EHD4: variants seen among roughly 807,000 people sequenced by gnomAD.
EHD4 encodes EH domain-containing protein 4.
EHD4 carries 37 observed loss-of-function variants against 51.0 expected under a neutral mutation model. That is an observed-to-expected ratio of 0.73 (90% CI 0.56 to 0.95). EHD4 has a LOEUF of 0.95. Among genes scored for constraint, EHD4 ranks in the 40% least tolerant of loss-of-function variants. EHD4 has a pLI of 0.00. For synonymous variants in EHD4, 297 were observed against 317.3 expected (o/e 0.94, Z 0.68); for missense variants, 632 against 733.1 (o/e 0.86, Z 1.59).
At chr15:41,916,709 A>C (rs1566817925) in intron 4 of EHD4, among the ~76,000 whole-genome samples, 1 of 152,230 alleles carries the variant, frequency 6.6e-6, no homozygotes, top group Admixed American at 6.5e-5. Context: ...CGCCGTGCTG[A>C]GTCCGGCTTC....
In EHD4 at chr15:41,900,434, C is replaced by G; in HGVS notation, c.*211G>C. The G allele has an allele frequency of 1.7e-6, 1 of 602,080 alleles. No individual in the cohort carries two copies. The highest frequency in any genetic ancestry group is 2.9e-6 in the Non-Finnish European group (1 of 344,652). 37.3% of individuals were successfully genotyped at this position (602,080 alleles called of 1,614,324 possible). A position where few individuals can be genotyped will look rare whatever the true frequency, so the allele number is the denominator to read the frequency against. The stretch of plus-strand genomic sequence containing the variant: ...CAACCCTTCAATCTCCTAATCCACC[C>G]CCCTACCCCCAATATTTTCATAGAA... On this transcript the variant is annotated 3_prime_UTR_variant, in exon 6 of 6. Coordinates refer to ENST00000220325, the MANE Select transcript of EHD4 (RefSeq NM_139265.4). The surrounding 1 kb of genome is among the most constrained non-coding windows in gnomAD (Gnocchi z 4.8).
chr15:41,906,711 T>G (rs2067514460), intron 5 of EHD4, among the ~76,000 whole-genome samples: 1 of 152,192 alleles, frequency 6.6e-6, no homozygotes, highest in African/African-American at 2.4e-5. Context: ...TAGCACCCCC[T>G]CTGGGGCTTT....
At chr15:41,948,666 T>G (rs1374695793) in intron 2 of EHD4, among the ~76,000 whole-genome samples, 1 of 152,208 alleles carries the variant, frequency 6.6e-6, no homozygotes, top group Non-Finnish European at 1.5e-5. Flanking sequence ...CGCACGTGCT[T>G]GGACTGATGC....
chr15:41,915,353 C>T (rs1193173925), intron 4 of EHD4, among the ~76,000 whole-genome samples: 2 of 152,224 alleles, frequency 1.3e-5, no homozygotes, highest in East Asian at 1.9e-4. Flanking sequence ...GTTGGGATTA[C>T]AGGTGTGAGC....
intron 2 of EHD4, among the ~76,000 whole-genome samples, chr15:41,951,002 A>ACTAACCCTAACC (rs79417445): frequency 1.6e-4 from 25 of 151,782 alleles, no homozygotes; most frequent in Non-Finnish European, 2.7e-4. Flanking sequence ...GAACAGCCTT[A>ACTAACCCTAACC]CTAACCCTAA....
At chr15:41,943,529 A>G (rs2067791262) in intron 2 of EHD4, among the ~76,000 whole-genome samples, 1 of 152,182 alleles carries the variant, frequency 6.6e-6, no homozygotes, top group Non-Finnish European at 1.5e-5. Context: ...TGACCTCATG[A>G]GGTGAAGGAA....
At chr15:41,923,643 G>C (rs1213912712) in intron 3 of EHD4, among the ~76,000 whole-genome samples, 2 of 152,334 alleles carry the variant, frequency 1.3e-5, no homozygotes, top group East Asian at 3.9e-4. Flanking sequence ...TGCAGTTTGA[G>C]GATCACTGTC....
Position 41,953,936 on chromosome 15 carries a change from G to C in EHD4, c.241C>G (p.Leu81Val), listed in dbSNP as rs779430330. ...STGKTTFIRYLLEQDFPGMRI... is the reference protein window; with the variant it reads ...STGKTTFIRYVLEQDFPGMRI... Reference sequence around the variant, plus strand: ...ATGCCTGGGAAATCCTGCTCCAGTAGGTATCTGGGAGAGGGAAGAAGAAGA... The same window carrying C: ...ATGCCTGGGAAATCCTGCTCCAGTACGTATCTGGGAGAGGGAAGAAGAAGA... The change falls in exon 2 of 6, where the codon CTA (leucine) becomes GTA (valine). Residue 81 changes from leucine (L) to valine (V), a missense_variant. Coordinates refer to ENST00000220325, the MANE Select transcript of EHD4 (RefSeq NM_139265.4). 6.2e-7 allele frequency: 1 copy of C among 1,611,488 alleles called. No homozygotes were observed. The highest frequency in any genetic ancestry group is 1.7e-5 in the Admixed American group (1 of 59,382).
intron 1 of EHD4, among the ~76,000 whole-genome samples, chr15:41,959,771 C>T (rs1317759893): frequency 6.6e-6 from 1 of 151,894 alleles, no homozygotes; most frequent in African/African-American, 2.4e-5. Flanking sequence ...AGTTCAAGGC[C>T]ACCCTGTGGC....
rs1274800487 is a variant in EHD4, at chr15:41,972,285, G to C, written c.210C>G (p.Tyr70Ter). The C allele has an allele frequency of 6.2e-7, 1 of 1,608,774 alleles. No individual in the cohort carries two copies. Among genetic ancestry groups the C allele is most frequent in the East Asian group, 2.3e-5 (1 of 44,416 alleles). Reference protein sequence around the residue: ...NKPMILLVGQYSTGKTTFIRY... With the variant: ...NKPMILLVGQ ...TGATGAAGGTGGTCTTGCCGGTGCTGTACTGGCCCACCAGCAGGATCATGG... is the reference window on the plus strand; with the variant it reads ...TGATGAAGGTGGTCTTGCCGGTGCTCTACTGGCCCACCAGCAGGATCATGG... The change falls in exon 1 of 6, where the codon TAC becomes TAG. Residue 70 changes from tyrosine to a stop codon, truncating the protein, a stop_gained. Transcript: ENST00000220325. LOFTEE classifies it high-confidence loss of function.
At chr15:41,903,445 A>AACGT (rs1567242725) in intron 5 of EHD4, among the ~76,000 whole-genome samples, 1 of 118,356 alleles carries the variant, frequency 8.4e-6, no homozygotes. Flanking sequence ...TCTAGCCATT[A>AACGT]ACATACATAC....
At chr15:41,963,078 C>CA (rs984389442) in intron 1 of EHD4, among the ~76,000 whole-genome samples, 1 of 152,168 alleles carries the variant, frequency 6.6e-6, no homozygotes, top group African/African-American at 2.4e-5. Flanking sequence ...CTTTGTTAAA[C>CA]AGATGCCTGA....
At chr15:41,942,745 T>C (rs2067781986) in intron 3 of EHD4, 1 of 248,028 alleles carries the variant, frequency 4.0e-6, no homozygotes, top group South Asian at 5.6e-5. Context: ...GTTCCAATGC[T>C]GCTTCCTCCA....
intron 2 of EHD4, among the ~76,000 whole-genome samples, chr15:41,949,716 T>C (rs991562805): frequency 6.6e-6 from 1 of 152,130 alleles, no homozygotes; most frequent in South Asian, 2.1e-4. Flanking sequence ...CTGTGGAAGA[T>C]AACAATTTAA....
intron 4 of EHD4, among the ~76,000 whole-genome samples, chr15:41,916,726 G>A (rs1011254590): frequency 2.0e-5 from 3 of 152,232 alleles, no homozygotes; most frequent in Admixed American, 6.5e-5. Context: ...CTTCTCCTCC[G>A]GGTGAGCCCG....
At chr15:41,909,670 C>G (rs767749734) in intron 5 of EHD4, 29 bp downstream of exon 5, 2 of 1,613,060 alleles carry the variant, frequency 1.2e-6, no homozygotes, top group East Asian at 4.5e-5. Flanking sequence ...CTGCCCTCTG[C>G]CCGTGACATT....
intron 1 of EHD4, among the ~76,000 whole-genome samples, chr15:41,964,370 A>G (rs550851991): frequency 7.5e-4 from 114 of 152,310 alleles, no homozygotes; most frequent in African/African-American, 2.7e-3. Flanking sequence ...TGGGAGGCCA[A>G]GGCGTGAGGA....
chr15:41,956,955 C>T (rs760006080), intron 1 of EHD4, among the ~76,000 whole-genome samples: 32 of 152,230 alleles, frequency 2.1e-4, no homozygotes, highest in Non-Finnish European at 3.7e-4. Flanking sequence ...GTGAGATAAA[C>T]ACCCTTATAT....
At chr15:41,915,273 T>C (rs1354002088) in intron 4 of EHD4, among the ~76,000 whole-genome samples, 2 of 152,214 alleles carry the variant, frequency 1.3e-5, no homozygotes, top group African/African-American at 4.8e-5. Flanking sequence ...AGACGGGGTT[T>C]CACCATGTTA....
Sources: gnomAD v4.1 joint callset for allele counts (sites outside exome capture counted in the v4.1 genomes callset) on GRCh38, gnomAD v4.1.1 for gene constraint, Gnocchi (gnomAD v3.1) non-coding constraint, MANE v1.5 for transcripts, NCBI Gene and HGNC (gene_info 2026-07-23, HGNC 2026-07-21) for gene names.